The following ULK4 variants were observed in gnomAD, a reference collection of about 807,000 sequenced individuals.
ULK4 encodes the protein inactive serine/threonine-protein kinase ULK4.
ULK4 carries 133 observed loss-of-function variants against 160.6 expected under a neutral mutation model. The observed-to-expected ratio is 0.83, with a 90% CI of 0.72 to 0.96. ULK4 has a LOEUF of 0.96. Among genes scored for constraint, ULK4 ranks in the 40% least tolerant of loss-of-function variants. The pLI is 0.00. For synonymous variants in ULK4, 534 were observed against 539.8 expected, an observed-to-expected ratio of 0.99 and a Z score of 0.15; for missense variants, 1,580 against 1,499.5, an observed-to-expected ratio of 1.05 and a Z score of -0.89.
At chr3:41,651,728 A>G (rs1375725836) in intron 30 of ULK4, among the ~76,000 whole-genome samples, 2 of 152,232 alleles carry the variant, frequency 1.3e-5, no homozygotes, top group Non-Finnish European at 1.5e-5. Flanking sequence ...AGAAAATGTT[A>G]GGTAGCATTC....
chr3:41,797,137 A>T (rs1231509576), intron 20 of ULK4, among the ~76,000 whole-genome samples: 1 of 152,184 alleles, frequency 6.6e-6, no homozygotes, highest in Non-Finnish European at 1.5e-5. Context: ...ATAGAATTCC[A>T]ACTTATATAT....
At chr3:41,564,474 TTGAG>T (rs1321217284) in intron 32 of ULK4, among the ~76,000 whole-genome samples, 2 of 89,108 alleles carry the variant, frequency 2.2e-5, no homozygotes, top group Non-Finnish European at 5.0e-5. Flanking sequence ...TTTTTTTTTT[TTGAG>T]ACAGTGTCTC....
chr3:41,447,395 C>T (rs919194075), intron 34 of ULK4, among the ~76,000 whole-genome samples: 12 of 152,022 alleles, frequency 7.9e-5, no homozygotes, highest in African/African-American at 2.9e-4. Flanking sequence ...CCTCATATCC[C>T]GCCACATAAA....
intron 29 of ULK4, among the ~76,000 whole-genome samples, chr3:41,675,316 G>A (rs997940801): frequency 6.6e-6 from 1 of 152,016 alleles, no homozygotes; most frequent in African/African-American, 2.4e-5. Flanking sequence ...TAGGCTGGGA[G>A]TGGTGGTTCA....
At chr3:41,434,736 G>A (rs564121594) in intron 34 of ULK4, among the ~76,000 whole-genome samples, 2 of 152,062 alleles carry the variant, frequency 1.3e-5, no homozygotes, top group African/African-American at 4.8e-5. Flanking sequence ...ATTTACTTTT[G>A]GTACCTTGTA....
At chr3:41,859,611 G>T in intron 17 of ULK4, 1 of 494,134 alleles carries the variant, frequency 2.0e-6, no homozygotes, top group South Asian at 1.5e-5. Context: ...TGCCTGAGCT[G>T]CCAGCCTCTG....
rs189566727 is a variant in ULK4, at chr3:41,869,268, G to A, written c.1656+14606C>T. On this transcript the variant is annotated intron_variant, in intron 17 of 36. Transcript: ENST00000301831. ...ATGTGTAAGAACATATACAATATTA[G>A]CTCATAATATTATATTATGGGCTAT... Among the ~76,000 whole-genome samples the A allele has an allele frequency of 1.5e-4, 22 of 151,698 alleles. No individual in the cohort carries two copies. The East Asian group carries it at 3.5e-3, about 24-fold the overall frequency.
At chr3:41,603,294 C>A (rs2032206481) in intron 31 of ULK4, among the ~76,000 whole-genome samples, 2 of 151,750 alleles carry the variant, frequency 1.3e-5, no homozygotes, top group South Asian at 2.1e-4. Context: ...GAAGACATAA[C>A]AATTCTAAAT....
At chr3:41,540,235 T>A (rs1351435507) in intron 32 of ULK4, among the ~76,000 whole-genome samples, 1 of 151,320 alleles carries the variant, frequency 6.6e-6, no homozygotes, top group Admixed American at 6.6e-5. Context: ...TAGGCCCCAG[T>A]GTGTGATGCG....
intron 21 of ULK4, among the ~76,000 whole-genome samples, chr3:41,770,362 T>C (rs2125917967): frequency 6.6e-6 from 1 of 152,276 alleles, no homozygotes; most frequent in South Asian, 2.1e-4. Flanking sequence ...CAGTCCTTCA[T>C]GCTTTCCATG....
intron 4 of ULK4, 89 bp from the exon 5 acceptor site, chr3:41,932,095 T>C: frequency 1.8e-6 from 2 of 1,134,408 alleles, no homozygotes; most frequent in South Asian, 4.1e-5. Context: ...TAAAGAACTT[T>C]TCAGCATTGC....
chr3:41,420,288 T>C (rs1375391656), intron 34 of ULK4, among the ~76,000 whole-genome samples: 1 of 151,850 alleles, frequency 6.6e-6, no homozygotes, highest in Non-Finnish European at 1.5e-5. Context: ...TTAATGATAG[T>C]CTTCCCACCA....
chr3:41,486,887 C>T (rs1463494461), intron 32 of ULK4, among the ~76,000 whole-genome samples: 3 of 128,036 alleles, frequency 2.3e-5, no homozygotes, highest in Non-Finnish European at 5.2e-5. Flanking sequence ...GATGCCTACT[C>T]TCCCAATTTT....
chr3:41,640,201 G>A (rs989554937), intron 30 of ULK4, among the ~76,000 whole-genome samples: 75 of 152,106 alleles, frequency 4.9e-4, no homozygotes, highest in Admixed American at 4.6e-3. Context: ...CTCCCCCACT[G>A]GACCAGCTAG....
chr3:41,491,631 C>T (rs2084768188), intron 32 of ULK4, among the ~76,000 whole-genome samples: 1 of 152,022 alleles, frequency 6.6e-6, no homozygotes, highest in Admixed American at 6.6e-5. Flanking sequence ...CGGTACATTC[C>T]AGGTGGCCCA....
At chr3:41,571,872 G>A (rs2087987401) in intron 31 of ULK4, among the ~76,000 whole-genome samples, 1 of 152,206 alleles carries the variant, frequency 6.6e-6, no homozygotes, top group Non-Finnish European at 1.5e-5. Flanking sequence ...ATACATGCAA[G>A]GAGAGATGAA....
chr3:41,332,316 G>C (rs1329245646), intron 35 of ULK4, among the ~76,000 whole-genome samples: 1 of 152,128 alleles, frequency 6.6e-6, no homozygotes, highest in East Asian at 1.9e-4. Flanking sequence ...TAACATTTGT[G>C]AATTCCAATC....
chr3:41,465,147 A>G (rs2083796844), intron 32 of ULK4, among the ~76,000 whole-genome samples: 1 of 152,218 alleles, frequency 6.6e-6, no homozygotes, highest in African/African-American at 2.4e-5. Context: ...TAAGAAGCTG[A>G]TCTCAGCCAT....
At chr3:41,842,304 A>T (rs1575811018) in intron 17 of ULK4, among the ~76,000 whole-genome samples, 1 of 152,052 alleles carries the variant, frequency 6.6e-6, no homozygotes, top group African/African-American at 2.4e-5. Context: ...AAACCCCCAT[A>T]TAAAAAGGGA....
Sources: allele counts gnomAD v4.1 joint callset (sites outside exome capture counted in the v4.1 genomes callset), GRCh38; gene constraint gnomAD v4.1.1; transcripts MANE v1.5; gene names NCBI Gene and HGNC (gene_info 2026-07-23, HGNC 2026-07-21).